The following NFIA variants were observed in gnomAD, a reference collection of about 807,000 sequenced individuals.
The protein encoded by NFIA is nuclear factor I A, also known as nuclear factor 1 A-type.
NFIA carries 8 observed loss-of-function variants against 62.8 expected under a neutral mutation model. The ratio of observed to expected loss-of-function variants is 0.13; its 90% CI spans 0.07 to 0.23. The LOEUF is 0.23. Among genes scored for constraint, NFIA ranks in the 10% least tolerant of loss-of-function variants. The pLI, the probability that NFIA is intolerant of heterozygous loss-of-function variation, is 1.00. For synonymous variants in NFIA, 235 were observed against 238.1 expected (o/e 0.99, Z 0.12); for missense variants, 410 against 642.1 (o/e 0.64, Z 3.91).
At chr1:61,101,918 TAAATG>T (rs908598527) in intron 2 of NFIA, among the ~76,000 whole-genome samples, 7 of 152,304 alleles carry the variant, frequency 4.6e-5, no homozygotes, top group African/African-American at 1.4e-4. Flanking sequence ...GCTTGGCTGA[TAAATG>T]AAATAACAAC....
chr1:61,294,992 C>T (rs2806429), intron 3 of NFIA, among the ~76,000 whole-genome samples: 68,866 of 152,004 alleles, frequency 0.45, 18,623 homozygotes, highest in Admixed American at 0.64. Flanking sequence ...ACCTGGAGGC[C>T]CCCTGGCTGC....
chr1:61,455,242 TTCTAAAACACACGTTTTTACAAA>T, intron 10 of NFIA, 38 bp from the exon 11 acceptor site: 1 of 1,599,700 alleles, frequency 6.3e-7, no homozygotes, highest in South Asian at 1.1e-5. Context: ...AAAAGGCAAC[TTCTAAAACACACGTTTTTACAAA>T]TTGTGATTTT....
chr1:61,338,628 T>C (rs2100405195), intron 4 of NFIA, among the ~76,000 whole-genome samples: 1 of 152,294 alleles, frequency 6.6e-6, no homozygotes, highest in East Asian at 1.9e-4. Flanking sequence ...TAAGACAGAA[T>C]GAACTCGGCT....
intron 2 of NFIA, among the ~76,000 whole-genome samples, chr1:61,264,653 CAAAAAAAAAAAAAA>C (rs1165980251): frequency 2.3e-4 from 14 of 60,740 alleles, no homozygotes; most frequent in Non-Finnish European, 3.0e-4. Flanking sequence ...CTCCACCTTA[CAAAAAAAAAAAAAA>C]AAAAAAAAAA....
intron 2 of NFIA, among the ~76,000 whole-genome samples, chr1:61,129,933 G>A (rs1313388985): frequency 6.6e-6 from 1 of 152,186 alleles, no homozygotes; most frequent in Non-Finnish European, 1.5e-5. Flanking sequence ...GTGCACTGAA[G>A]AAAGGGCGGA....
chr1:61,209,044 T>G (rs1472108315), intron 2 of NFIA, among the ~76,000 whole-genome samples: 1 of 152,062 alleles, frequency 6.6e-6, no homozygotes, highest in Non-Finnish European at 1.5e-5. Flanking sequence ...CCTGCTGTAC[T>G]GGAGTAGCCC....
At chr1:61,329,337 C>T (rs1661158184) in intron 3 of NFIA, among the ~76,000 whole-genome samples, 3 of 150,696 alleles carry the variant, frequency 2.0e-5, no homozygotes, top group Admixed American at 2.0e-4. Flanking sequence ...GGAGCCACTG[C>T]CCCCGGCCTG....
At chr1:61,256,860 T>C (rs1471397062) in intron 2 of NFIA, among the ~76,000 whole-genome samples, 1 of 152,112 alleles carries the variant, frequency 6.6e-6, no homozygotes, top group Non-Finnish European at 1.5e-5. Context: ...GCCATACACA[T>C]GGCACTGCAT....
intron 3 of NFIA, among the ~76,000 whole-genome samples, chr1:61,306,252 GAGA>G (rs967618654): frequency 7.5e-6 from 1 of 133,240 alleles, no homozygotes; most frequent in African/African-American, 2.7e-5. Flanking sequence ...TATCATCCTG[GAGA>G]CCCAGATTTT....
At chr1:61,159,792 C>G (rs1649062323) in intron 2 of NFIA, among the ~76,000 whole-genome samples, 1 of 150,106 alleles carries the variant, frequency 6.7e-6, no homozygotes, top group African/African-American at 2.5e-5. Context: ...AGCAGTTCTC[C>G]TGATTCAGCC....
intron 2 of NFIA, among the ~76,000 whole-genome samples, chr1:61,175,152 TA>T (rs1650250450): frequency 6.6e-6 from 1 of 151,604 alleles, no homozygotes; most frequent in African/African-American, 2.4e-5. Flanking sequence ...TTATTATTAT[TA>T]TTTTTTGAGA....
chr1:61,349,245 G>A (rs563193279), intron 4 of NFIA, among the ~76,000 whole-genome samples: 2 of 151,968 alleles, frequency 1.3e-5, no homozygotes, highest in South Asian at 2.1e-4. Flanking sequence ...TTTTTTAAAC[G>A]AAAGGCCCTT....
chr1:61,155,536 G>A (rs1308526679), intron 2 of NFIA, among the ~76,000 whole-genome samples: 1 of 151,870 alleles, frequency 6.6e-6, no homozygotes, highest in Non-Finnish European at 1.5e-5. Context: ...AGCCGGGCGC[G>A]GTGGTGGGTG....
At chr1:61,315,303 C>T (rs1332913090) in intron 3 of NFIA, among the ~76,000 whole-genome samples, 4 of 152,172 alleles carry the variant, frequency 2.6e-5, no homozygotes, top group Admixed American at 2.0e-4. Flanking sequence ...GTGCCCCTGA[C>T]AGTTAACATC....
chr1:61,359,093 C>G lies in NFIA; in HGVS notation c.819-54C>G, dbSNP rs989215738. On this transcript the variant is annotated intron_variant, in intron 5 of 10. Transcript: ENST00000403491. ...TTCTTTCAACCAGAGGTGCAGTGTC[C>G]AAGAGAAAGGTGGTTGCGATTGCTT... 2.3e-5 allele frequency: 37 copies of G among 1,598,036 alleles called. No homozygotes were observed. In the Admixed American group the frequency reaches 6.1e-4, roughly 26 times the overall value.
chr1:61,184,515 T>A (rs1022387227), intron 2 of NFIA, among the ~76,000 whole-genome samples: 1 of 152,276 alleles, frequency 6.6e-6, no homozygotes. Flanking sequence ...CTTTGTGCAT[T>A]CTTTATGTAA....
intron 2 of NFIA, among the ~76,000 whole-genome samples, chr1:61,238,958 T>A (rs1389075803): frequency 6.6e-6 from 1 of 152,192 alleles, no homozygotes; most frequent in African/African-American, 2.4e-5. Flanking sequence ...GGAATTTCTT[T>A]TCCATAAATT....
chr1:61,359,306 A>T, intron 6 of NFIA, 32 bp downstream of exon 6: 1 of 1,611,624 alleles, frequency 6.2e-7, no homozygotes, highest in South Asian at 1.1e-5. Context: ...GCATGTGGCT[A>T]ACACTGTGAA....
chr1:61,337,892 G>A (rs1661697522), intron 4 of NFIA, among the ~76,000 whole-genome samples: 1 of 152,162 alleles, frequency 6.6e-6, no homozygotes, highest in Non-Finnish European at 1.5e-5. Context: ...AACCCAGAAA[G>A]TTCTCCTGAA....
Sources: gnomAD v4.1 joint callset for allele counts (sites outside exome capture counted in the v4.1 genomes callset) on GRCh38, gnomAD v4.1.1 for gene constraint, MANE v1.5 for transcripts, NCBI Gene and HGNC (gene_info 2026-07-23, HGNC 2026-07-21) for gene names.